ADIG: variants seen among roughly 807,000 people sequenced by gnomAD.
ADIG encodes the protein adipogenesis associated.
A neutral mutation model predicts 10.7 loss-of-function variants in ADIG; 12 were observed. That is an observed-to-expected ratio of 1.12 (90% CI 0.72 to 1.82). The LOEUF (loss-of-function observed/expected upper bound fraction) is 1.82, where lower values mean the gene tolerates loss of function less well. Among genes scored for constraint, ADIG ranks in the 40% most tolerant of loss-of-function variants. ADIG has a pLI of 0.00. For synonymous variants in ADIG, 32 were observed against 35.6 expected (o/e 0.90, Z 0.36); for missense variants, 72 against 92.5 (o/e 0.78, Z 0.91).
chr20:38,587,863 G>A (rs147484316), intron 2 of ADIG, among the ~76,000 whole-genome samples: 84 of 151,458 alleles, frequency 5.5e-4, no homozygotes, highest in African/African-American at 1.9e-3. Context: ...TTATCCTCCC[G>A]AGTAGCTGGG....
At chr20:38,583,538 C>T (rs931444964) in intron 1 of ADIG, among the ~76,000 whole-genome samples, 2 of 152,232 alleles carry the variant, frequency 1.3e-5, no homozygotes, top group Non-Finnish European at 2.9e-5. Context: ...CCTGGCACAT[C>T]GTAGGTTCCT....
chr20:38,583,987 AGTT>A (rs948032688), intron 1 of ADIG, among the ~76,000 whole-genome samples: 3 of 152,094 alleles, frequency 2.0e-5, no homozygotes, highest in African/African-American at 7.2e-5. Flanking sequence ...CCAGACCTGC[AGTT>A]TTCTATTCTG....
At chr20:38,581,421 G>T (rs573096312) in intron 1 of ADIG, 47 bp downstream of exon 1, 3 of 1,612,186 alleles carry the variant, frequency 1.9e-6, no homozygotes, top group African/African-American at 1.3e-5. Flanking sequence ...CTGGAGCTAG[G>T]CAGGGGGCCA....
In ADIG at chr20:38,587,970, T is replaced by C. The variant is rs1045442222; in HGVS notation, c.*15-131T>C. The C allele has an allele frequency of 1.2e-5, 13 of 1,105,862 alleles. No homozygotes were observed. The African/African-American group carries it at 1.8e-4, about 15-fold the overall frequency. 68.5% of individuals were successfully genotyped at this position (1,105,862 alleles called of 1,614,324 possible). A position where few individuals can be genotyped will look rare whatever the true frequency, so the allele number is the denominator to read the frequency against. ...TCAGGCTGGTCTTGAACTCCTGACC[T>C]TAGATGATCCACCTGCCTCGGCTTC... On this transcript the variant is annotated intron_variant, in intron 2 of 2. Transcript: ENST00000537425.
intron 2 of ADIG, among the ~76,000 whole-genome samples, chr20:38,587,755 T>A (rs1426728845): frequency 8.1e-6 from 1 of 123,398 alleles, no homozygotes; most frequent in Non-Finnish European, 1.8e-5. Flanking sequence ...TTTTTTTTTT[T>A]GAGACGGAGT....
intron 1 of ADIG, 70 bp downstream of exon 1, chr20:38,581,444 T>C: frequency 6.3e-7 from 1 of 1,598,050 alleles, no homozygotes; most frequent in African/African-American, 1.3e-5. Flanking sequence ...TAGGCCAGTG[T>C]GTCCTGAAAC....
chr20:38,585,321 C>A, intron 1 of ADIG: 1 of 1,181,894 alleles, frequency 8.5e-7, no homozygotes, highest in Non-Finnish European at 1.2e-6. Context: ...AGTCTGTTAG[C>A]AAACTCATTA....
chr20:38,586,161 G>C lies in ADIG; in HGVS notation c.*14G>C. ...CCCTGCTGGTGAGCCTGCTGTGCCA[G>C]GTGAGGCCCTTCCAGGGGCCAGGGG... On this transcript the variant is annotated splice_region_variant and 3_prime_UTR_variant, in exon 2 of 3. Coordinates refer to ENST00000537425, the MANE Select transcript of ADIG (RefSeq NM_001393816.1). The C allele has an allele frequency of 1.3e-6, 2 of 1,574,932 alleles. No individual in the cohort carries two copies. The highest frequency in any genetic ancestry group is 2.3e-5 in the South Asian group (2 of 85,634).
At chr20:38,582,545 C>T (rs2088598356) in intron 1 of ADIG, among the ~76,000 whole-genome samples, 1 of 152,204 alleles carries the variant, frequency 6.6e-6, no homozygotes, top group South Asian at 2.1e-4. Context: ...CCCCACACCC[C>T]TGCTAGCCCC....
At position 38,588,133 on chromosome 20, in the gene ADIG, A is replaced by T; in HGVS notation, c.*47A>T. On this transcript the variant is annotated 3_prime_UTR_variant, in exon 3 of 3. Coordinates refer to ENST00000537425, the MANE Select transcript of ADIG (RefSeq NM_001393816.1). The stretch of plus-strand genomic sequence containing the variant: ...TTCCTGGAGTCAGCAGGGCAGTGGC[A>T]ATGGCAGAAGTGGATGGGAGAGACT... The T allele has an allele frequency of 7.7e-7, 1 of 1,305,004 alleles. No homozygotes were observed. Among genetic ancestry groups the T allele is most frequent in the Non-Finnish European group, 1.0e-6 (1 of 988,804 alleles). 80.8% of individuals were successfully genotyped at this position (1,305,004 alleles called of 1,614,324 possible). A position where few individuals can be genotyped will look rare whatever the true frequency, so the allele number is the denominator to read the frequency against.
chr20:38,584,284 G>A (rs1247896924), intron 1 of ADIG, among the ~76,000 whole-genome samples: 1 of 152,226 alleles, frequency 6.6e-6, no homozygotes, highest in Non-Finnish European at 1.5e-5. Context: ...GCTGGTCAGT[G>A]GGGACAGTGC....
chr20:38,588,059 T>C (rs1243837835), intron 2 of ADIG, 42 bp from the exon 3 acceptor site: 9 of 1,260,404 alleles, frequency 7.1e-6, no homozygotes, highest in Non-Finnish European at 2.1e-6. Context: ...TTTTTTCTCA[T>C]CCCAATGGCA....
chr20:38,585,600 A>T, intron 1 of ADIG: 1 of 1,441,168 alleles, frequency 6.9e-7, no homozygotes, highest in African/African-American at 1.4e-5. Flanking sequence ...CAGGTGTTTT[A>T]TTGTTCGTGT....
At chr20:38,581,646 TAGAGTTTGAACCTAGAGTTCG>T in intron 1 of ADIG, among the ~76,000 whole-genome samples, 1 of 152,144 alleles carries the variant, frequency 6.6e-6, no homozygotes, top group Admixed American at 6.6e-5. Flanking sequence ...GAGTGAGTCC[TAGAGTTTGAACCTAGAGTTCG>T]AGAGTGATCT....
intron 1 of ADIG, chr20:38,585,513 G>A (rs754929526): frequency 1.5e-5 from 23 of 1,550,422 alleles, no homozygotes; most frequent in Non-Finnish European, 1.8e-5. Context: ...CGGAGGGTCC[G>A]GGTCTCCATG....
rs2088633459 is a variant in ADIG at position 38,586,083 on chromosome 20, G to A, written c.179G>A (p.Gly60Asp). The change falls in exon 2 of 3, where the codon GGC (glycine) becomes GAC (aspartate). Residue 60 changes from glycine (G) to aspartate (D), a missense_variant. By Grantham distance (94) the Gly-to-Asp change is moderately conservative. Transcript: ENST00000537425. ...TTGGATTGGGAGCCCTGGAGCAAAG[G>A]CCCAGCTGAGTTTTGCTGGAAGGGG... Reference protein sequence around the residue: ...VCLDWEPWSKGPAEFCWKGTL... With the variant: ...VCLDWEPWSKDPAEFCWKGTL... 1 of 1,610,570 alleles carries A rather than the reference G, an allele frequency of 6.2e-7. No homozygotes were observed. The highest frequency in any genetic ancestry group is 8.5e-7 in the Non-Finnish European group (1 of 1,178,642).
chr20:38,581,438 C>A lies in ADIG; in HGVS notation c.124+64C>A. ...GGAGCTAGGCAGGGGGCCAAATAGG[C>A]CAGTGTGTCCTGAAACAACTGCAGA... is the stretch of plus-strand genomic sequence containing the variant. On this transcript the variant is annotated intron_variant, in intron 1 of 2. Transcript: ENST00000537425. The A allele has an allele frequency of 3.1e-6, 5 of 1,604,942 alleles. No homozygotes were observed. In the South Asian group the frequency reaches 5.5e-5, roughly 18 times the overall value.
chr20:38,586,381 T>C (rs545674148), intron 2 of ADIG: 2 of 518,506 alleles, frequency 3.9e-6, no homozygotes, highest in African/African-American at 1.9e-5. Flanking sequence ...CAAGGAGCCT[T>C]TACAAAGGTC....
At chr20:38,584,090 C>A (rs994078058) in intron 1 of ADIG, among the ~76,000 whole-genome samples, 2 of 152,136 alleles carry the variant, frequency 1.3e-5, no homozygotes, top group Admixed American at 6.5e-5. Flanking sequence ...CCACCACCCC[C>A]CAACACTCCT....
Sources: allele counts gnomAD v4.1 joint callset (sites outside exome capture counted in the v4.1 genomes callset), GRCh38; gene constraint gnomAD v4.1.1; transcripts MANE v1.5; gene names NCBI Gene and HGNC (gene_info 2026-07-23, HGNC 2026-07-21).